Variants in ZNF608 observed in about 807,000 individuals in gnomAD.
ZNF608 encodes renal carcinoma antigen NY-REN-36.
ZNF608 carries 12 observed loss-of-function variants against 109.0 expected under a neutral mutation model. That is an observed-to-expected ratio of 0.11 (90% confidence interval 0.07 to 0.18). ZNF608 has a LOEUF of 0.18. Among genes scored for constraint, ZNF608 ranks in the 10% least tolerant of loss-of-function variants. ZNF608 has a pLI of 1.00. For synonymous variants in ZNF608, 732 were observed against 717.4 expected (o/e 1.02, Z -0.33); for missense variants, 1,707 against 1,879.3 (o/e 0.91, Z 1.70).
Position 124,647,935 on chromosome 5 carries a change from G to C in ZNF608, c.2449C>G (p.Arg817Gly). 8.7e-6 allele frequency: 14 copies of C among 1,613,976 alleles called. No individual in the cohort carries two copies. Among genetic ancestry groups the C allele is most frequent in the Non-Finnish European group, 1.2e-5 (14 of 1,180,014 alleles). Reference sequence around the variant, plus strand: ...TTCCCTTCTTTGTCCTTTAGCTTTCGCTTCTCCTTTTTCTTTTTGTCTTTG... The same window carrying C: ...TTCCCTTCTTTGTCCTTTAGCTTTCCCTTCTCCTTTTTCTTTTTGTCTTTG... ...SLKDKKKKEK[R>G]KLKDKEGKET... The change falls in exon 5 of 10, where the codon CGA becomes GGA. Residue 817 changes from arginine (R) to glycine (G), a missense_variant. Transcript: ENST00000513986.
At chr5:124,704,050 C>T (rs528987788) in intron 2 of ZNF608, among the ~76,000 whole-genome samples, 1 of 152,202 alleles carries the variant, frequency 6.6e-6, no homozygotes, top group African/African-American at 2.4e-5. Flanking sequence ...TAACACAATT[C>T]AAATGTAACA....
chr5:124,662,464 A>G (rs895046095), intron 3 of ZNF608, among the ~76,000 whole-genome samples: 1 of 152,362 alleles, frequency 6.6e-6, no homozygotes, highest in Non-Finnish European at 1.5e-5. Context: ...CGTGTGAGCC[A>G]ATCAATCACA....
At chr5:124,721,634 C>G (rs1402373118) in intron 2 of ZNF608, among the ~76,000 whole-genome samples, 2 of 151,986 alleles carry the variant, frequency 1.3e-5, no homozygotes, top group African/African-American at 2.4e-5. Flanking sequence ...GCCCAAGGGT[C>G]ATAAAAGAAC....
At chr5:124,701,356 T>A (rs1462988537) in intron 2 of ZNF608, 87 bp from the exon 3 acceptor site, 1 of 1,479,082 alleles carries the variant, frequency 6.8e-7, no homozygotes, top group African/African-American at 1.4e-5. Context: ...CTAGAATATA[T>A]CACCATTCCA....
rs1750018919 is a variant in ZNF608, at chr5:124,637,189, C to T, written c.*711G>A. 6.6e-6 allele frequency: 1 copy of T among 152,250 alleles called. No homozygotes were observed. Among genetic ancestry groups the T allele is most frequent in the South Asian group, 2.1e-4 (1 of 4,818 alleles). 9.4% of individuals were successfully genotyped at this position (152,250 alleles called of 1,614,324 possible). On this transcript the variant is annotated 3_prime_UTR_variant, in exon 10 of 10. Coordinates refer to ENST00000513986, the MANE Select transcript of ZNF608 (RefSeq NM_020747.3). ...TGGGTTATTTGCCATTCAAGATTAT[C>T]AAAAAATGACACCTCATTATTCACA...
At chr5:124,640,518 C>T (rs986262468) in intron 8 of ZNF608, among the ~76,000 whole-genome samples, 4 of 152,158 alleles carry the variant, frequency 2.6e-5, no homozygotes, top group Non-Finnish European at 5.9e-5. Flanking sequence ...TGTACTGGCA[C>T]CCTGATCTTG....
In ZNF608 at chr5:124,645,541, T is replaced by C. The variant is rs538933202; in HGVS notation, c.3706-880A>G. On this transcript the variant is annotated intron_variant, in intron 5 of 9. Coordinates refer to ENST00000513986, the MANE Select transcript of ZNF608 (RefSeq NM_020747.3). ...TGGGGGCTGGTGGTTCTTGCTCTAA[T>C]GCACCAGGGATTATCTAAGCATGGG... is the stretch of plus-strand genomic sequence containing the variant. 7.6e-4 allele frequency among the ~76,000 whole-genome samples: 116 copies of C among 151,918 alleles called. 1 individual carries two copies. Among genetic ancestry groups the C allele is most frequent in the Middle Eastern group, 3.4e-3 (1 of 292 alleles).
rs574465910 is a variant in ZNF608, at chr5:124,709,168, C to A, written c.907-7899G>T. Among the ~76,000 whole-genome samples, 8 of 39,210 alleles carry A rather than the reference C, an allele frequency of 2.0e-4. No homozygotes were observed. In the South Asian group the frequency reaches 9.7e-3, roughly 48 times the overall value. 25.7% of individuals were successfully genotyped at this position (39,210 alleles called of 152,430 possible). ...CCTGGGCAACAGAGAGAGACTCTGT[C>A]TCAAAAAAAAAAAAAAAAAAAAAAA... On this transcript the variant is annotated intron_variant, in intron 2 of 9. Transcript: ENST00000513986.
At chr5:124,689,711 T>C (rs1184551436) in intron 3 of ZNF608, among the ~76,000 whole-genome samples, 1 of 152,128 alleles carries the variant, frequency 6.6e-6, no homozygotes, top group Non-Finnish European at 1.5e-5. Context: ...ACACACCTAT[T>C]AGAATGGTCA....
At chr5:124,666,118 A>G (rs2149808425) in intron 3 of ZNF608, among the ~76,000 whole-genome samples, 1 of 152,372 alleles carries the variant, frequency 6.6e-6, no homozygotes, top group South Asian at 2.1e-4. Context: ...TTTGCCTTTC[A>G]GGGAACGTAA....
chr5:124,686,903 G>A (rs1211797561), intron 3 of ZNF608, among the ~76,000 whole-genome samples: 1 of 152,200 alleles, frequency 6.6e-6, no homozygotes, highest in Non-Finnish European at 1.5e-5. Flanking sequence ...CTGAGGCACA[G>A]GAAGTGGTGG....
chr5:124,726,323 T>C (rs1271384335), intron 2 of ZNF608, among the ~76,000 whole-genome samples: 3 of 152,124 alleles, frequency 2.0e-5, no homozygotes, highest in Non-Finnish European at 2.9e-5. Context: ...TATTTGCCCA[T>C]AGGTGTCTCC....
chr5:124,648,958 C>T lies in ZNF608; in HGVS notation c.1426G>A (p.Ala476Thr), dbSNP rs1422317136. 6.2e-7 allele frequency: 1 copy of T among 1,613,950 alleles called. No homozygotes were observed. Among genetic ancestry groups the T allele is most frequent in the African/African-American group, 1.3e-5 (1 of 74,914 alleles). The change falls in exon 5 of 10, where the codon GCC becomes ACC. Residue 476 changes from alanine (A) to threonine (T), a missense_variant. Transcript: ENST00000513986. ...NGKGRRGSLNASGRRTPPNCA... is the reference protein window; with the variant it reads ...NGKGRRGSLNTSGRRTPPNCA... ...TTTGGGGGTGTCCTTCGTCCGCTGG[C>T]ATTGAGGCTGCCCCGCCTCCCTTTC...
chr5:124,732,752 G>A (rs1748964034), intron 2 of ZNF608, among the ~76,000 whole-genome samples: 1 of 151,754 alleles, frequency 6.6e-6, no homozygotes. Context: ...TGCAACAAAA[G>A]CTCTACCCCA....
intron 3 of ZNF608, among the ~76,000 whole-genome samples, chr5:124,684,329 A>G (rs1752318526): frequency 6.6e-6 from 1 of 151,996 alleles, no homozygotes; most frequent in African/African-American, 2.4e-5. Flanking sequence ...ATGTACTCCA[A>G]CCTCCACCCC....
At chr5:124,731,217 T>C (rs1748879084) in intron 2 of ZNF608, among the ~76,000 whole-genome samples, 1 of 152,186 alleles carries the variant, frequency 6.6e-6, no homozygotes, top group Non-Finnish European at 1.5e-5. Flanking sequence ...TTATTGTTTT[T>C]TGGGTTTTTT....
intron 3 of ZNF608, among the ~76,000 whole-genome samples, chr5:124,691,953 G>A (rs552027730): frequency 1.6e-4 from 25 of 152,048 alleles, no homozygotes; most frequent in African/African-American, 5.8e-4. Context: ...CATATGAAGT[G>A]GTCACCTAAA....
chr5:124,702,976 G>A (rs1351921272), intron 2 of ZNF608, among the ~76,000 whole-genome samples: 2 of 151,868 alleles, frequency 1.3e-5, no homozygotes, highest in African/African-American at 4.8e-5. Context: ...AAATTTAAGG[G>A]GGGAAAAAAA....
At chr5:124,672,515 T>C (rs906902388) in intron 3 of ZNF608, among the ~76,000 whole-genome samples, 1 of 152,112 alleles carries the variant, frequency 6.6e-6, no homozygotes, top group Admixed American at 6.6e-5. Flanking sequence ...AAATGAATAA[T>C]TACAAAAAGC....
Sources: allele counts gnomAD v4.1 joint callset (sites outside exome capture counted in the v4.1 genomes callset), GRCh38; gene constraint gnomAD v4.1.1; transcripts MANE v1.5; gene names NCBI Gene and HGNC (gene_info 2026-07-23, HGNC 2026-07-21).